PHF21A: variants seen among roughly 807,000 people sequenced by gnomAD.
PHF21A encodes the protein PHD finger protein 21A, also known as BHC80a.
Under a neutral mutation model 82.5 loss-of-function variants are expected in PHF21A, and 11 were observed. The ratio of observed to expected loss-of-function variants is 0.13; its 90% confidence interval spans 0.08 to 0.22. The LOEUF is 0.22. Among genes scored for constraint, PHF21A ranks in the 10% least tolerant of loss-of-function variants. PHF21A has a pLI of 1.00. For missense variants in PHF21A, 579 were observed against 837.8 expected (o/e 0.69, Z 3.81); for synonymous variants, 297 against 302.8 (o/e 0.98, Z 0.20).
Position 46,117,479 on chromosome 11 carries a change from A to G in PHF21A, c.-237+3456T>C, listed in dbSNP as rs138708023. ...AATCTCAGTCTTTGCAGGCTAACTTAAGTACATCAACCATATGTATTTATA... is the reference window on the plus strand; with the variant it reads ...AATCTCAGTCTTTGCAGGCTAACTTGAGTACATCAACCATATGTATTTATA... On this transcript the variant is annotated intron_variant, in intron 1 of 18. Coordinates refer to ENST00000676320, the MANE Select transcript of PHF21A (RefSeq NM_001352027.3). Among the ~76,000 whole-genome samples, 35 of 152,348 alleles carry G rather than the reference A, an allele frequency of 2.3e-4. 1 individual carries two copies. In the East Asian group the frequency reaches 4.8e-3, roughly 21 times the overall value.
At chr11:46,108,586 T>TATATAA (rs886669574) in intron 1 of PHF21A, among the ~76,000 whole-genome samples, 3 of 94,084 alleles carry the variant, frequency 3.2e-5, no homozygotes, top group Admixed American at 2.9e-4. Context: ...TATATATATA[T>TATATAA]AAAATACATA....
At chr11:45,941,831 C>T (rs945251060) in intron 15 of PHF21A, among the ~76,000 whole-genome samples, 3 of 152,178 alleles carry the variant, frequency 2.0e-5, no homozygotes. Flanking sequence ...CTGGCAATAC[C>T]AACTGCAATT....
At chr11:45,975,092 T>A (rs1210127190) in intron 7 of PHF21A, among the ~76,000 whole-genome samples, 1 of 152,032 alleles carries the variant, frequency 6.6e-6, no homozygotes, top group East Asian at 1.9e-4. Context: ...GGTGGGCGGA[T>A]CACTTAAGCC....
chr11:46,046,801 T>A (rs1324316684), intron 6 of PHF21A, among the ~76,000 whole-genome samples: 1 of 151,982 alleles, frequency 6.6e-6, no homozygotes, highest in Admixed American at 6.6e-5. Flanking sequence ...CTGTGAAGAG[T>A]GTCTGGACAA....
intron 1 of PHF21A, among the ~76,000 whole-genome samples, chr11:46,100,227 A>G (rs12275245): frequency 6.6e-6 from 1 of 152,124 alleles, no homozygotes; most frequent in Non-Finnish European, 1.5e-5. Context: ...AAAATATGTT[A>G]TGTTACAGAA....
At chr11:45,945,320 A>C (rs1278779957) in intron 15 of PHF21A, among the ~76,000 whole-genome samples, 1 of 152,224 alleles carries the variant, frequency 6.6e-6, no homozygotes, top group Non-Finnish European at 1.5e-5. Context: ...AGGGCTACTA[A>C]GTATTTGACA....
chr11:46,067,736 C>T (rs946486925), intron 6 of PHF21A, among the ~76,000 whole-genome samples: 4 of 152,154 alleles, frequency 2.6e-5, no homozygotes, highest in Admixed American at 2.6e-4. Flanking sequence ...ACACTTGCTG[C>T]TCATCTACCA....
intron 15 of PHF21A, among the ~76,000 whole-genome samples, chr11:45,939,082 T>G (rs1312042914): frequency 6.6e-6 from 1 of 152,212 alleles, no homozygotes; most frequent in South Asian, 2.1e-4. Context: ...TCTGCCTGCC[T>G]CAGCCTCCCA....
At chr11:46,000,828 G>A (rs1404123279) in intron 6 of PHF21A, among the ~76,000 whole-genome samples, 1 of 152,082 alleles carries the variant, frequency 6.6e-6, no homozygotes, top group Non-Finnish European at 1.5e-5. Flanking sequence ...GCTGAGGCAG[G>A]AGGATCGCTT....
chr11:45,949,381 C>T, intron 13 of PHF21A, 21 bp downstream of exon 13: 1 of 1,597,948 alleles, frequency 6.3e-7, no homozygotes. Flanking sequence ...GAGGGAAGGG[C>T]CAGATGCTGG....
chr11:46,076,048 A>C (rs1464813537), intron 6 of PHF21A, among the ~76,000 whole-genome samples: 1 of 152,214 alleles, frequency 6.6e-6, no homozygotes, highest in East Asian at 1.9e-4. Context: ...ACAAGAAAAC[A>C]AATGCTTTGT....
At chr11:46,052,979 A>G (rs1346236171) in intron 6 of PHF21A, among the ~76,000 whole-genome samples, 2 of 152,220 alleles carry the variant, frequency 1.3e-5, no homozygotes, top group Admixed American at 1.3e-4. Flanking sequence ...TAATTCTCAC[A>G]TGAAGGCAAA....
chr11:46,030,112 C>G (rs1173860169), intron 6 of PHF21A, among the ~76,000 whole-genome samples: 2 of 152,180 alleles, frequency 1.3e-5, no homozygotes, highest in Admixed American at 6.5e-5. Context: ...AGAATCAACG[C>G]TAAACAATAG....
At chr11:46,049,449 AGT>A (rs543329788) in intron 6 of PHF21A, 22 of 456,310 alleles carry the variant, frequency 4.8e-5, no homozygotes, top group African/African-American at 3.6e-4. Flanking sequence ...ATTCCTGTAC[AGT>A]GGCATCTGCA....
At chr11:46,009,153 T>C (rs1205858068) in intron 6 of PHF21A, among the ~76,000 whole-genome samples, 6 of 151,934 alleles carry the variant, frequency 3.9e-5, no homozygotes, top group South Asian at 2.1e-4. Flanking sequence ...TTTCTGTATT[T>C]AGTAGAGACA....
chr11:45,987,077 T>A (rs942898915), intron 6 of PHF21A, among the ~76,000 whole-genome samples: 28 of 152,108 alleles, frequency 1.8e-4, no homozygotes, highest in African/African-American at 6.5e-4. Flanking sequence ...GTAAAAGAGA[T>A]GCCCAATTTA....
intron 6 of PHF21A, among the ~76,000 whole-genome samples, chr11:46,068,225 T>C (rs12365345): frequency 0.21 from 31,413 of 152,138 alleles, 3,745 homozygotes; most frequent in Non-Finnish European, 0.27. Context: ...GCATCCTCCA[T>C]GGGCCTAGTA....
chr11:45,932,960 A>AG lies in PHF21A; in HGVS notation c.*1007dup, dbSNP rs2087841951. The AG allele has an allele frequency of 6.6e-6, 1 of 152,592 alleles. No homozygotes were observed. Among genetic ancestry groups the AG allele is most frequent in the South Asian group, 2.1e-4 (1 of 4,838 alleles). 9.5% of individuals were successfully genotyped at this position (152,592 alleles called of 1,614,324 possible). A position where few individuals can be genotyped will look rare whatever the true frequency, so the allele number is the denominator to read the frequency against. ...AACAGTAAAATAAAACTTTCCTTAA[A>AG]GAAAAAAAGAACAAAAACAAAAATT... On this transcript the variant is annotated 3_prime_UTR_variant, in exon 19 of 19. Coordinates refer to ENST00000676320, the MANE Select transcript of PHF21A (RefSeq NM_001352027.3). The surrounding 1 kb of genome is among the most constrained non-coding windows in gnomAD (Gnocchi z 4.3).
At chr11:45,942,416 G>A (rs1054664477) in intron 15 of PHF21A, among the ~76,000 whole-genome samples, 1 of 152,218 alleles carries the variant, frequency 6.6e-6, no homozygotes, top group Non-Finnish European at 1.5e-5. Flanking sequence ...CCACCCTAGA[G>A]GGAGAGCTCT....
Sources: gnomAD v4.1 joint callset for allele counts (sites outside exome capture counted in the v4.1 genomes callset) on GRCh38, gnomAD v4.1.1 for gene constraint, Gnocchi (gnomAD v3.1) non-coding constraint, MANE v1.5 for transcripts, NCBI Gene and HGNC (gene_info 2026-07-23, HGNC 2026-07-21) for gene names.